Variants in BSN observed in about 807,000 individuals in gnomAD.
BSN encodes the protein bassoon presynaptic cytomatrix protein, also known as protein bassoon.
Under a neutral mutation model 264.8 loss-of-function variants are expected in BSN, and 57 were observed. The observed-to-expected ratio is 0.22, with a 90% CI of 0.17 to 0.27. BSN has a LOEUF of 0.27. BSN is among the 10% of genes least tolerant of loss of function. The pLI is 1.00. For missense variants in BSN, 4,615 were observed against 5,232.5 expected, an observed-to-expected ratio of 0.88 and a Z score of 3.64; for synonymous variants, 2,059 against 2,137.3, an observed-to-expected ratio of 0.96 and a Z score of 1.01.
chr3:49,573,305 C>T (rs2051811644), intron 1 of BSN, among the ~76,000 whole-genome samples: 1 of 152,126 alleles, frequency 6.6e-6, no homozygotes, highest in South Asian at 2.1e-4. Flanking sequence ...TGGAACCACA[C>T]ATGCAAAGGC....
At chr3:49,633,844 C>T (rs1466075390) in intron 2 of BSN, among the ~76,000 whole-genome samples, 3 of 152,058 alleles carry the variant, frequency 2.0e-5, no homozygotes, top group Non-Finnish European at 4.4e-5. Flanking sequence ...CACAAAAAGA[C>T]AAATATGAGG....
chr3:49,656,921 CCAGCAGCTGCAGCAGCAGCTG>C lies in BSN; in HGVS notation c.7373_7393del (p.Leu2458_Gln2464del). 1.9e-6 allele frequency: 3 copies of C among 1,598,632 alleles called. No homozygotes were observed. The highest frequency in any genetic ancestry group is 2.6e-6 in the Non-Finnish European group (3 of 1,171,644). ...AGCAGCGTCTGCAGCTGGAGCAGAT[CCAGCAGCTGCAGCAGCAGCTG>C]CAGCAGCAGCTAGAGGAGCAGAAGC... On this transcript the variant is annotated inframe_deletion, in exon 5 of 12. Transcript: ENST00000296452.
rs991222207 is a variant in BSN, at chr3:49,656,588, T to C, written c.7032T>C (p.Gly2344=). Residue 2344 remains glycine, a synonymous_variant, in exon 5 of 12, where the codon GGT becomes GGC. Coordinates refer to ENST00000296452, the MANE Select transcript of BSN (RefSeq NM_003458.4). ...QKPPADAAPG[G]GSGALSRPGF... Reference sequence around the variant, plus strand: ...CACCAGCAGATGCTGCTCCTGGGGGTGGCAGTGGGGCCCTCAGCCGGCCAG... The same window carrying C: ...CACCAGCAGATGCTGCTCCTGGGGGCGGCAGTGGGGCCCTCAGCCGGCCAG... 1.9e-6 allele frequency: 3 copies of C among 1,594,462 alleles called. No individual in the cohort carries two copies. The African/African-American group carries it at 4.0e-5, about 21-fold the overall frequency.
At chr3:49,633,506 G>A (rs2052397270) in intron 2 of BSN, among the ~76,000 whole-genome samples, 2 of 152,078 alleles carry the variant, frequency 1.3e-5, no homozygotes, top group Non-Finnish European at 2.9e-5. Flanking sequence ...AGCCACTCTG[G>A]AAAACAGTAT....
intron 5 of BSN, 63 bp downstream of exon 5, chr3:49,658,259 A>C: frequency 1.4e-6 from 2 of 1,467,996 alleles, no homozygotes; most frequent in Non-Finnish European, 1.8e-6. Flanking sequence ...AGGGGCCCCC[A>C]CAGGGAGGGG....
intron 6 of BSN, 111 bp downstream of exon 6, chr3:49,662,673 T>C: frequency 6.8e-7 from 1 of 1,475,928 alleles, no homozygotes; most frequent in Non-Finnish European, 9.0e-7. Flanking sequence ...TGGCGCCTCA[T>C]CTGGTGGGCC....
Position 49,653,573 on chromosome 3 carries a change from T to C in BSN, c.4017T>C (p.Asp1339=), listed in dbSNP as rs971516090. 1 of 1,613,870 alleles carries C rather than the reference T, an allele frequency of 6.2e-7. No homozygotes were observed. Among genetic ancestry groups the C allele is most frequent in the Non-Finnish European group, 8.5e-7 (1 of 1,179,988 alleles). The change falls in exon 5 of 12, where the codon GAT becomes GAC. Residue 1339 remains aspartate (D), a synonymous_variant. Coordinates refer to ENST00000296452, the MANE Select transcript of BSN (RefSeq NM_003458.4). The surrounding 1 kb of genome is among the most constrained non-coding windows in gnomAD (Gnocchi z 6.3). The part of the protein sequence containing the change: ...SDSSGGRVIP[D]VRVTQHFAKE... ...GCAGCGGGGGCCGAGTTATTCCCGATGTCCGTGTCACTCAGCATTTTGCAA... is the reference window on the plus strand; with the variant it reads ...GCAGCGGGGGCCGAGTTATTCCCGACGTCCGTGTCACTCAGCATTTTGCAA...
chr3:49,654,415 G>T lies in BSN; in HGVS notation c.4859G>T (p.Ser1620Ile), dbSNP rs2052575907. 1.2e-6 allele frequency: 2 copies of T among 1,600,588 alleles called. No individual in the cohort carries two copies. The highest frequency in any genetic ancestry group is 2.2e-5 in the East Asian group (1 of 44,852). The change falls in exon 5 of 12, where the codon AGT becomes ATT. Residue 1620 changes from serine to isoleucine, a missense_variant. Ser to Ile is a moderately radical substitution (Grantham distance 142, BLOSUM62 -2). This residue lies in a region of BSN where 3,415 missense variants were observed against 3,866.4 expected (regional missense o/e 0.88). Coordinates refer to ENST00000296452, the MANE Select transcript of BSN (RefSeq NM_003458.4). The surrounding 1 kb of genome is among the most constrained non-coding windows in gnomAD (Gnocchi z 4.1). ...PGPPGFPRVP[S>I]AGADGPLALY... Reference sequence around the variant, plus strand: ...CCACCTGGCTTTCCACGGGTGCCCAGTGCTGGTGCAGATGGGCCCCTGGCA... The same window carrying T: ...CCACCTGGCTTTCCACGGGTGCCCATTGCTGGTGCAGATGGGCCCCTGGCA...
intron 3 of BSN, among the ~76,000 whole-genome samples, chr3:49,648,581 G>A (rs1337717559): frequency 6.6e-6 from 1 of 152,228 alleles, no homozygotes; most frequent in African/African-American, 2.4e-5. Flanking sequence ...TGTGAGCTAG[G>A]GTTCCTGGAT....
At chr3:49,588,416 G>A (rs768462579) in intron 1 of BSN, among the ~76,000 whole-genome samples, 19 of 152,100 alleles carry the variant, frequency 1.2e-4, no homozygotes, top group Non-Finnish European at 2.2e-4. Flanking sequence ...TAGGTCTGTC[G>A]TATATGGCTT....
chr3:49,659,322 G>A (rs902271321), intron 5 of BSN, among the ~76,000 whole-genome samples: 3 of 152,194 alleles, frequency 2.0e-5, no homozygotes, highest in Admixed American at 2.0e-4. Context: ...GGCTGGCCAT[G>A]TGAGACCAGG....
intron 1 of BSN, among the ~76,000 whole-genome samples, chr3:49,621,090 C>T (rs934435027): frequency 1.6e-4 from 24 of 152,230 alleles, no homozygotes; most frequent in African/African-American, 2.6e-4. Context: ...GAGGCAGAGA[C>T]GGCACCAAGG....
At chr3:49,574,630 C>CTTTTTT (rs60300269) in intron 1 of BSN, among the ~76,000 whole-genome samples, 1 of 51,920 alleles carries the variant, frequency 1.9e-5, no homozygotes, top group Non-Finnish European at 3.5e-5. Flanking sequence ...GGTGGGGTTT[C>CTTTTTT]TTTTTTTTTT....
In BSN at chr3:49,642,902, G is replaced by A. The variant is rs1284278052; in HGVS notation, c.1268G>A (p.Gly423Glu). 1.2e-6 allele frequency: 2 copies of A among 1,613,996 alleles called. No homozygotes were observed. The highest frequency in any genetic ancestry group is 1.7e-6 in the Non-Finnish European group (2 of 1,180,008). Residue 423 changes from glycine (G) to glutamate (E), a missense_variant, in exon 3 of 12, where the codon GGA becomes GAA. Coordinates refer to ENST00000296452, the MANE Select transcript of BSN (RefSeq NM_003458.4). The surrounding 1 kb of genome is among the most constrained non-coding windows in gnomAD (Gnocchi z 7.0). ...KTEPGARMGPGSGPGALPKTG... is the reference protein window; with the variant it reads ...KTEPGARMGPESGPGALPKTG... Reference sequence around the variant, plus strand: ...GAGCCTGGGGCTAGAATGGGTCCTGGATCTGGACCTGGAGCCCTGCCGAAA... The same window carrying A: ...GAGCCTGGGGCTAGAATGGGTCCTGAATCTGGACCTGGAGCCCTGCCGAAA...
intron 1 of BSN, among the ~76,000 whole-genome samples, chr3:49,578,796 C>T (rs1489919293): frequency 6.6e-6 from 1 of 152,136 alleles, no homozygotes; most frequent in Non-Finnish European, 1.5e-5. Context: ...CTCTATCTAT[C>T]CTCCAGGCCT....
chr3:49,614,316 A>G (rs886498378), intron 1 of BSN, among the ~76,000 whole-genome samples: 1 of 151,868 alleles, frequency 6.6e-6, no homozygotes, highest in African/African-American at 2.4e-5. Context: ...GCCTTGGCCT[A>G]CCAAAGTGCT....
chr3:49,613,299 A>AGAGCGAGC (rs1559605393), intron 1 of BSN, among the ~76,000 whole-genome samples: 2 of 107,042 alleles, frequency 1.9e-5, no homozygotes, highest in African/African-American at 7.2e-5. Flanking sequence ...ATACACACAC[A>AGAGCGAGC]GAGCGAGAGA....
intron 1 of BSN, among the ~76,000 whole-genome samples, chr3:49,581,815 T>G (rs2051897211): frequency 6.6e-6 from 1 of 151,886 alleles, no homozygotes; most frequent in East Asian, 1.9e-4. Flanking sequence ...AGAGCAAGAC[T>G]CTGTCTCAAA....
intron 1 of BSN, among the ~76,000 whole-genome samples, chr3:49,594,057 G>A (rs926088122): frequency 7.9e-5 from 12 of 152,090 alleles, no homozygotes; most frequent in African/African-American, 2.7e-4. Context: ...CTCCCAAAGT[G>A]CTGGGATTAC....
Sources: gnomAD v4.1 joint callset for allele counts (sites outside exome capture counted in the v4.1 genomes callset) on GRCh38, gnomAD v4.1.1 for gene constraint, gnomAD v4.1.1 regional missense constraint, Gnocchi (gnomAD v3.1) non-coding constraint, MANE v1.5 for transcripts, NCBI Gene and HGNC (gene_info 2026-07-23, HGNC 2026-07-21) for gene names.